RMDN2: variants seen among roughly 807,000 people sequenced by gnomAD.
The protein encoded by RMDN2 is regulator of microtubule dynamics protein 2.
Under a neutral mutation model 52.8 loss-of-function variants are expected in RMDN2, and 61 were observed. The observed-to-expected ratio is 1.16, with a 90% CI of 0.94 to 1.43. The LOEUF (loss-of-function observed/expected upper bound fraction) is 1.43, where lower values mean the gene tolerates loss of function less well. RMDN2 is among the 40% of genes most tolerant of loss of function. The pLI is 0.00. For missense variants in RMDN2, 592 were observed against 475.3 expected (o/e 1.25, Z -2.28); for synonymous variants, 180 against 153.1 (o/e 1.18, Z -1.30).
rs1433784097 is a variant in RMDN2 at position 37,929,572 on chromosome 2, G to A, written c.295G>A (p.Ala99Thr). ...LKEEIRFLKE[A>T]IPKLEEYIQD... ...AGAGGAAATCAGATTTCTTAAAGAA[G>A]CTATTCCAAAGCTGGAGGAATATAT... The change falls in exon 2 of 11, where the codon GCT becomes ACT. Residue 99 changes from alanine (A) to threonine (T), a missense_variant. By Grantham distance (58) the Ala-to-Thr change is moderately conservative (BLOSUM62 0). Transcript: ENST00000354545. 1.3e-6 allele frequency: 2 copies of A among 1,551,852 alleles called. No homozygotes were observed. Among genetic ancestry groups the A allele is most frequent in the South Asian group, 2.4e-5 (2 of 84,046 alleles).
Position 38,017,696 on chromosome 2 carries a change from A to G in RMDN2, c.*457A>G, listed in dbSNP as rs1215852338. 3 of 468,924 alleles carry G rather than the reference A, an allele frequency of 6.4e-6. No homozygotes were observed. Among genetic ancestry groups the G allele is most frequent in the East Asian group, 8.6e-5 (1 of 11,618 alleles). 29.0% of individuals were successfully genotyped at this position (468,924 alleles called of 1,614,324 possible). On this transcript the variant is annotated 3_prime_UTR_variant, in exon 11 of 11. Transcript: ENST00000354545. ...AACAAATGTAGTATTGTAACTGGTA[A>G]TCAAAAGATGTGAATAAAATTACAA...
intron 10 of RMDN2, among the ~76,000 whole-genome samples, chr2:38,050,405 A>G (rs1390219393): frequency 6.6e-6 from 1 of 151,974 alleles, no homozygotes; most frequent in Non-Finnish European, 1.5e-5. Context: ...TACAGCCCCA[A>G]TTTCTCTGAT....
chr2:38,005,209 AC>A (rs1676912463), intron 10 of RMDN2, among the ~76,000 whole-genome samples: 1 of 152,200 alleles, frequency 6.6e-6, no homozygotes, highest in African/African-American at 2.4e-5. Context: ...TTGGCTATAT[AC>A]CCAGTAATGG....
intron 8 of RMDN2, chr2:38,002,958 C>G (rs1279814327): frequency 6.6e-6 from 1 of 152,182 alleles, no homozygotes; most frequent in Non-Finnish European, 1.5e-5. Flanking sequence ...GACTTAGGTT[C>G]TAAGAAGAGC....
At chr2:38,006,623 C>G (rs1470991655) in intron 10 of RMDN2, among the ~76,000 whole-genome samples, 1 of 152,172 alleles carries the variant, frequency 6.6e-6, no homozygotes, top group Non-Finnish European at 1.5e-5. Context: ...ATGGGATTTT[C>G]TAGATATACA....
intron 10 of RMDN2, among the ~76,000 whole-genome samples, chr2:38,009,383 A>G (rs1374874479): frequency 6.6e-6 from 1 of 152,106 alleles, no homozygotes; most frequent in East Asian, 1.9e-4. Context: ...ACATAGTCCC[A>G]CATTTCTTGG....
chr2:38,030,013 A>G (rs1185672398), intron 10 of RMDN2: 1 of 152,072 alleles, frequency 6.6e-6, no homozygotes, highest in South Asian at 2.1e-4. Flanking sequence ...CTACCACGAG[A>G]ACAGTATGGG....
chr2:37,964,569 A>G (rs1670779609), intron 2 of RMDN2, among the ~76,000 whole-genome samples: 1 of 152,198 alleles, frequency 6.6e-6, no homozygotes, highest in African/African-American at 2.4e-5. Flanking sequence ...CTATGTTTGT[A>G]AATTAACTAA....
intron 4 of RMDN2, among the ~76,000 whole-genome samples, chr2:37,975,645 G>T (rs142217652): frequency 3.3e-5 from 5 of 152,014 alleles, no homozygotes; most frequent in African/African-American, 4.8e-5. Context: ...ACCGTGGCAC[G>T]TGTATACCTA....
intron 2 of RMDN2, among the ~76,000 whole-genome samples, chr2:37,937,474 A>G (rs1171331789): frequency 6.6e-6 from 1 of 152,204 alleles, no homozygotes; most frequent in Non-Finnish European, 1.5e-5. Flanking sequence ...TTGAATCTGT[A>G]AATTACTTTG....
intron 7 of RMDN2, among the ~76,000 whole-genome samples, chr2:37,991,904 GA>G (rs1333083103): frequency 6.6e-6 from 1 of 152,182 alleles, no homozygotes; most frequent in East Asian, 1.9e-4. Context: ...TACAGAATGT[GA>G]AAATGTATCT....
rs1253310810 is a variant in RMDN2, at chr2:38,017,385, CCACTAGTAG to C, written c.*152_*160del. 12 of 1,376,972 alleles carry C rather than the reference CCACTAGTAG, an allele frequency of 8.7e-6. No homozygotes were observed. Among genetic ancestry groups the C allele is most frequent in the Non-Finnish European group, 1.1e-5 (12 of 1,056,198 alleles). The allele number at this position is 1,376,972 out of a possible 1,614,324, so 85.3% of individuals were successfully genotyped here. ...AAGCCATGTTTCTGCAGAATGCATTCCACTAGTAGCACTACAAAATTAATTATGTTATTT... is the reference window on the plus strand; with the variant it reads ...AAGCCATGTTTCTGCAGAATGCATTCCACTACAAAATTAATTATGTTATTT... On this transcript the variant is annotated 3_prime_UTR_variant, in exon 11 of 11. Coordinates refer to ENST00000354545, the MANE Select transcript of RMDN2 (RefSeq NM_001170791.3).
chr2:37,973,889 G>GT, intron 2 of RMDN2, 151 bp from the exon 3 acceptor site: 1 of 608,770 alleles, frequency 1.6e-6, no homozygotes, highest in Non-Finnish European at 2.8e-6. Flanking sequence ...GTAGACTTCT[G>GT]TTAGGACTGG....
intron 2 of RMDN2, among the ~76,000 whole-genome samples, chr2:37,963,935 AGGCGGAGGTGCCCCCCACCTC>A (rs1670656416): frequency 2.2e-5 from 3 of 138,464 alleles, no homozygotes; most frequent in Non-Finnish European, 4.8e-5. Flanking sequence ...GGCGGCGGCC[AGGCGGAGGTGCCCCCCACCTC>A]CCTCCCGGAC....
chr2:37,929,705 C>G lies in RMDN2; in HGVS notation c.428C>G (p.Ser143Ter). ...CAAAGTTCAGCAACAAGTAATAGTT[C>G]AGAGGAAGCAGAAAGTGAAGGAGGG... ...TIQSSATSNSSEEAESEGGYI... is the reference protein window; with the variant it reads ...TIQSSATSNS The change falls in exon 2 of 11, where the codon TCA becomes TGA. Residue 143 changes from serine to a stop codon, truncating the protein, a stop_gained. Coordinates refer to ENST00000354545, the MANE Select transcript of RMDN2 (RefSeq NM_001170791.3). LOFTEE classifies it high-confidence loss of function. 6.6e-7 allele frequency: 1 copy of G among 1,512,750 alleles called. No individual in the cohort carries two copies. The highest frequency in any genetic ancestry group is 8.8e-7 in the Non-Finnish European group (1 of 1,134,726). 93.7% of individuals were successfully genotyped at this position (1,512,750 alleles called of 1,614,324 possible). A position where few individuals can be genotyped will look rare whatever the true frequency, so the allele number is the denominator to read the frequency against.
intron 10 of RMDN2, chr2:38,012,650 G>T: frequency 2.2e-6 from 1 of 460,938 alleles, no homozygotes; most frequent in South Asian, 1.6e-5. Flanking sequence ...AGTAGTAAAG[G>T]TATGTAAGGT....
intron 6 of RMDN2, 97 bp from the exon 7 acceptor site, chr2:37,991,123 A>G (rs2125135491): frequency 1.9e-6 from 1 of 532,818 alleles, no homozygotes; most frequent in Non-Finnish European, 3.3e-6. Flanking sequence ...CTGAGACAAT[A>G]TTTTAAAACC....
At chr2:38,022,341 G>A (rs1464388189), downstream of RMDN2, among the ~76,000 whole-genome samples, 3 of 152,170 alleles carry the variant, frequency 2.0e-5, no homozygotes, top group African/African-American at 7.2e-5. Flanking sequence ...GGGGAATCTC[G>A]TTTTCTATGG....
intron 5 of RMDN2, among the ~76,000 whole-genome samples, chr2:37,984,293 A>T (rs1673702500): frequency 6.6e-6 from 1 of 152,222 alleles, no homozygotes; most frequent in Non-Finnish European, 1.5e-5. Flanking sequence ...GAATAAAGTG[A>T]CCAATGGATT....
Sources: allele counts gnomAD v4.1 joint callset (sites outside exome capture counted in the v4.1 genomes callset), GRCh38; gene constraint gnomAD v4.1.1; transcripts MANE v1.5; gene names NCBI Gene and HGNC (gene_info 2026-07-23, HGNC 2026-07-21).